PDCD10: variants seen among roughly 807,000 people sequenced by gnomAD.
The protein encoded by PDCD10 is programmed cell death protein 10.
A neutral mutation model predicts 29.2 loss-of-function variants in PDCD10; 4 were observed. The observed-to-expected ratio is 0.14, with a 90% confidence interval of 0.07 to 0.31. The LOEUF is 0.31. Ranked by LOEUF, PDCD10 falls within the 10% of genes least tolerant of loss-of-function variation. PDCD10 has a pLI of 1.00. For missense variants in PDCD10, 183 were observed against 257.9 expected, an observed-to-expected ratio of 0.71 and a Z score of 1.99; for synonymous variants, 70 against 82.2, an observed-to-expected ratio of 0.85 and a Z score of 0.80.
intron 2 of PDCD10, among the ~76,000 whole-genome samples, chr3:167,724,166 G>C (rs1248821395): frequency 6.6e-6 from 1 of 152,144 alleles, no homozygotes; most frequent in Non-Finnish European, 1.5e-5. Context: ...GATAAGTCTA[G>C]AGCCAAAGCT....
chr3:167,684,596 CTGGTAATAAAA>C (rs1719384769), intron 8 of PDCD10, among the ~76,000 whole-genome samples: 1 of 151,908 alleles, frequency 6.6e-6, no homozygotes, highest in Non-Finnish European at 1.5e-5. Flanking sequence ...GTGGTTCTGA[CTGGTAATAAAA>C]TGTTGGAGGA....
chr3:167,701,301 GAGATATCAGATATATATAT>G (rs1205505773), intron 4 of PDCD10, among the ~76,000 whole-genome samples: 5 of 152,058 alleles, frequency 3.3e-5, no homozygotes, highest in African/African-American at 4.8e-5. Flanking sequence ...GATATATATT[GAGATATCAGATATATATAT>G]AGATATCAGA....
At chr3:167,721,936 A>G (rs1723611677) in intron 2 of PDCD10, among the ~76,000 whole-genome samples, 1 of 152,186 alleles carries the variant, frequency 6.6e-6, no homozygotes, top group Admixed American at 6.5e-5. Flanking sequence ...GAAATAAACA[A>G]GACCAAAATA....
intron 2 of PDCD10, among the ~76,000 whole-genome samples, chr3:167,727,171 A>T (rs1488888788): frequency 6.6e-6 from 1 of 152,212 alleles, no homozygotes; most frequent in African/African-American, 2.4e-5. Flanking sequence ...AGCCCTTGAG[A>T]TAATTCATAA....
At chr3:167,703,233 T>C (rs1721624058) in intron 4 of PDCD10, among the ~76,000 whole-genome samples, 1 of 151,932 alleles carries the variant, frequency 6.6e-6, no homozygotes, top group African/African-American at 2.4e-5. Context: ...TGACCAAATA[T>C]GCCATTCCAA....
chr3:167,699,024 T>C (rs1392329452), intron 4 of PDCD10, among the ~76,000 whole-genome samples: 3 of 152,142 alleles, frequency 2.0e-5, no homozygotes, highest in African/African-American at 7.2e-5. Flanking sequence ...GTGTCCTAAC[T>C]ACCTAGCCTT....
At position 167,695,992 on chromosome 3, in the gene PDCD10, A is replaced by AC. The variant is rs982187418; in HGVS notation, c.269-271_269-270insG. On this transcript the variant is annotated intron_variant, in intron 5 of 8. Coordinates refer to ENST00000392750, the MANE Select transcript of PDCD10 (RefSeq NM_007217.4). ...ATCCCATGAAATCTTAAAAAAAAAA[A>AC]ACACACAAAAAAAAAACAGATTTAA... Among the ~76,000 whole-genome samples the AC allele has an allele frequency of 1.4e-4, 18 of 128,936 alleles. 1 individual carries two copies. Among genetic ancestry groups the AC allele is most frequent in the South Asian group, 6.4e-4 (3 of 4,660 alleles). The allele number at this position is 128,936 out of a possible 152,430, so 84.6% of individuals were successfully genotyped here. A position where few individuals can be genotyped will look rare whatever the true frequency, so the allele number is the denominator to read the frequency against.
intron 3 of PDCD10, among the ~76,000 whole-genome samples, chr3:167,718,735 T>A (rs1198913698): frequency 2.6e-5 from 4 of 151,242 alleles, no homozygotes; most frequent in Non-Finnish European, 4.4e-5. Flanking sequence ...GATGGGTGGC[T>A]CTTCAGCAGC....
intron 2 of PDCD10, among the ~76,000 whole-genome samples, chr3:167,727,162 G>A (rs1444365112): frequency 6.6e-6 from 1 of 152,140 alleles, no homozygotes; most frequent in Non-Finnish European, 1.5e-5. Flanking sequence ...TGTGATCAAA[G>A]CCCTTGAGAT....
At chr3:167,726,995 T>A (rs929907079) in intron 2 of PDCD10, among the ~76,000 whole-genome samples, 2 of 152,206 alleles carry the variant, frequency 1.3e-5, no homozygotes, top group Admixed American at 1.3e-4. Flanking sequence ...TAGTTTTGGC[T>A]TACATAAAAG....
chr3:167,702,870 T>C (rs774316284), intron 4 of PDCD10, among the ~76,000 whole-genome samples: 1 of 152,178 alleles, frequency 6.6e-6, no homozygotes, highest in Non-Finnish European at 1.5e-5. Context: ...AATACATCAG[T>C]GTAAAATTAG....
intron 3 of PDCD10, among the ~76,000 whole-genome samples, chr3:167,708,213 A>G (rs1387331687): frequency 6.6e-6 from 1 of 152,056 alleles, no homozygotes; most frequent in African/African-American, 2.4e-5. Context: ...TGCTCTCTCC[A>G]AAAGTATCAG....
chr3:167,711,381 G>A (rs1208547796), intron 3 of PDCD10, among the ~76,000 whole-genome samples: 5 of 152,100 alleles, frequency 3.3e-5, no homozygotes, highest in Non-Finnish European at 7.4e-5. Context: ...AATGCAACTG[G>A]CATACTGAAG....
chr3:167,724,757 G>A (rs2108495669), intron 2 of PDCD10, among the ~76,000 whole-genome samples: 1 of 152,298 alleles, frequency 6.6e-6, no homozygotes, highest in Non-Finnish European at 1.5e-5. Flanking sequence ...AAAATTCAGT[G>A]ATAATAAGAC....
At chr3:167,728,498 C>G (rs1724453144) in intron 2 of PDCD10, among the ~76,000 whole-genome samples, 1 of 152,134 alleles carries the variant, frequency 6.6e-6, no homozygotes, top group Non-Finnish European at 1.5e-5. Flanking sequence ...CTGAATAAGA[C>G]AGGGAGACCC....
intron 6 of PDCD10, among the ~76,000 whole-genome samples, chr3:167,688,423 A>C (rs1298976621): frequency 1.3e-5 from 2 of 152,128 alleles, no homozygotes; most frequent in Non-Finnish European, 2.9e-5. Flanking sequence ...TCATCCTTTG[A>C]CTATATATGC....
intron 2 of PDCD10, among the ~76,000 whole-genome samples, chr3:167,721,124 T>C (rs149035200): frequency 2.0e-4 from 30 of 152,278 alleles, no homozygotes; most frequent in Middle Eastern, 3.4e-3. Flanking sequence ...TGAATAACAG[T>C]AGTGACATAC....
intron 3 of PDCD10, among the ~76,000 whole-genome samples, chr3:167,711,083 C>T (rs563416679): frequency 1.3e-5 from 2 of 152,176 alleles, no homozygotes; most frequent in East Asian, 3.8e-4. Context: ...GCAACAACTA[C>T]AATAAATACC....
chr3:167,723,771 C>A (rs1723821733), intron 2 of PDCD10, among the ~76,000 whole-genome samples: 1 of 152,138 alleles, frequency 6.6e-6, no homozygotes, highest in African/African-American at 2.4e-5. Context: ...TTGAAAGAAC[C>A]TAGACAAAAG....
Sources: allele counts gnomAD v4.1 joint callset (sites outside exome capture counted in the v4.1 genomes callset), GRCh38; gene constraint gnomAD v4.1.1; transcripts MANE v1.5; gene names NCBI Gene and HGNC (gene_info 2026-07-23, HGNC 2026-07-21).